The following TXNRD2 variants were observed in gnomAD, a reference collection of about 807,000 sequenced individuals.
The protein encoded by TXNRD2 is thioredoxin reductase 2, also known as thioredoxin reductase 2, mitochondrial.
In TXNRD2, 67 loss-of-function variants were observed where a neutral mutation model predicts 70.8. That is an observed-to-expected ratio of 0.95 (90% confidence interval 0.78 to 1.16). TXNRD2 has a LOEUF of 1.16. Ranked by LOEUF, TXNRD2 falls within the 50% of genes most tolerant of loss-of-function variation. TXNRD2 has a pLI of 0.00. For synonymous variants in TXNRD2, 301 were observed against 295.8 expected, an observed-to-expected ratio of 1.02 and a Z score of -0.18; for missense variants, 644 against 719.9, an observed-to-expected ratio of 0.89 and a Z score of 1.21.
chr22:19,902,090 G>A (rs911181370), intron 8 of TXNRD2, among the ~76,000 whole-genome samples: 3 of 152,252 alleles, frequency 2.0e-5, no homozygotes, highest in Admixed American at 6.5e-5. Flanking sequence ...CCGGCTACTC[G>A]GGAGGCTGAG....
chr22:19,892,162 C>T (rs1490690085), intron 11 of TXNRD2, among the ~76,000 whole-genome samples: 5 of 152,274 alleles, frequency 3.3e-5, no homozygotes, highest in South Asian at 2.1e-4. Flanking sequence ...CCAGCTGTGC[C>T]GCCCCTAGGG....
chr22:19,936,385 C>G (rs1047478606), intron 1 of TXNRD2, among the ~76,000 whole-genome samples: 4 of 138,384 alleles, frequency 2.9e-5, no homozygotes, highest in Non-Finnish European at 6.4e-5. Flanking sequence ...CTTAACATCA[C>G]CCCCTGATGA....
intron 1 of TXNRD2, among the ~76,000 whole-genome samples, chr22:19,934,784 G>C (rs1601487859): frequency 1.3e-5 from 2 of 152,122 alleles, no homozygotes; most frequent in African/African-American, 4.8e-5. Context: ...GGATGGTCTT[G>C]ATCTCCTCAC....
At chr22:19,881,107 T>TA in intron 12 of TXNRD2, 1 of 462,802 alleles carries the variant, frequency 2.2e-6, no homozygotes, top group Non-Finnish European at 3.8e-6. Flanking sequence ...AATCCCCGGC[T>TA]AAAAAGGGAC....
chr22:19,881,399 C>T (rs1044528136), intron 12 of TXNRD2: 13 of 250,204 alleles, frequency 5.2e-5, no homozygotes, highest in African/African-American at 3.4e-4. Context: ...GGAAACATCC[C>T]GGCGGGCGGC....
Position 19,911,369 on chromosome 22 carries a change from G to A in TXNRD2, c.662+8C>T, listed in dbSNP as rs756513179. ...AAGAGGACCCCACCAAGCACGCGCA[G>A]GCCTTACGTTTTTCCAGGGGATTCC... On this transcript the variant is annotated splice_region_variant and intron_variant, in intron 8 of 17. Coordinates refer to ENST00000400521, the MANE Select transcript of TXNRD2 (RefSeq NM_006440.5). The A allele has an allele frequency of 1.9e-6, 3 of 1,612,220 alleles. No homozygotes were observed. The highest frequency in any genetic ancestry group is 2.7e-5 in the African/African-American group (2 of 75,002).
At chr22:19,914,825 T>G in intron 7 of TXNRD2, 1 of 281,590 alleles carries the variant, frequency 3.6e-6, no homozygotes. Context: ...TCAAACTTTT[T>G]TTAAACTGGG....
At chr22:19,883,611 G>T in intron 11 of TXNRD2, 150 bp from the exon 12 acceptor site, 1 of 1,101,554 alleles carries the variant, frequency 9.1e-7, no homozygotes, top group Non-Finnish European at 1.3e-6. Context: ...GACGAGGTGG[G>T]CAAATCACCT....
chr22:19,892,034 C>G (rs1939284523), intron 11 of TXNRD2, among the ~76,000 whole-genome samples: 1 of 152,188 alleles, frequency 6.6e-6, no homozygotes, highest in Admixed American at 6.5e-5. Context: ...AGCACCTGGG[C>G]CCCTTCTGTG....
chr22:19,912,357 C>T lies in TXNRD2; in HGVS notation c.592-910G>A, dbSNP rs1160535162. On this transcript the variant is annotated intron_variant, in intron 7 of 17. Coordinates refer to ENST00000400521, the MANE Select transcript of TXNRD2 (RefSeq NM_006440.5). ...AGCCTTGGCAGACACCCTGGGAGGG[C>T]GTGGCAGGGAGAGCGAAGCAGCCCT... is the stretch of plus-strand genomic sequence containing the variant. Among the ~76,000 whole-genome samples, 5 of 152,234 alleles carry T rather than the reference C, an allele frequency of 3.3e-5. No individual in the cohort carries two copies. The East Asian group carries it at 7.7e-4, about 23-fold the overall frequency.
At chr22:19,926,503 A>G (rs1367693815) in intron 2 of TXNRD2, among the ~76,000 whole-genome samples, 1 of 149,930 alleles carries the variant, frequency 6.7e-6, no homozygotes, top group Non-Finnish European at 1.5e-5. Context: ...AAACAAAACA[A>G]CGGCGGCTCA....
At chr22:19,911,104 A>G in intron 8 of TXNRD2, 2 of 504,324 alleles carry the variant, frequency 4.0e-6, no homozygotes, top group South Asian at 4.0e-5. Context: ...AAACCAAAAC[A>G]GATTTTTGTA....
intron 1 of TXNRD2, among the ~76,000 whole-genome samples, chr22:19,931,421 T>G (rs1941355594): frequency 6.6e-6 from 1 of 152,200 alleles, no homozygotes; most frequent in African/African-American, 2.4e-5. Context: ...TCTATTTATT[T>G]TTGAGACAGG....
chr22:19,927,673 AAAAGAAAG>A (rs1172912753), intron 2 of TXNRD2, among the ~76,000 whole-genome samples: 5 of 147,274 alleles, frequency 3.4e-5, no homozygotes, highest in African/African-American at 7.5e-5. Context: ...AAAAAAAAAG[AAAAGAAAG>A]AAAGAAAGAA....
chr22:19,900,501 A>G (rs900122052), intron 8 of TXNRD2, among the ~76,000 whole-genome samples: 2 of 152,238 alleles, frequency 1.3e-5, no homozygotes, highest in Non-Finnish European at 2.9e-5. Context: ...CTGTAATCCC[A>G]GCACTTTGGG....
At chr22:19,935,669 C>G (rs1481470498) in intron 1 of TXNRD2, among the ~76,000 whole-genome samples, 1 of 152,200 alleles carries the variant, frequency 6.6e-6, no homozygotes, top group Non-Finnish European at 1.5e-5. Flanking sequence ...AGCAGCCCAG[C>G]TGTAAAATTC....
intron 2 of TXNRD2, 144 bp downstream of exon 2, chr22:19,930,886 A>C: frequency 1.3e-6 from 1 of 742,226 alleles, no homozygotes; most frequent in Non-Finnish European, 2.4e-6. Context: ...AGTGGCAGGG[A>C]ACAAGCCACA....
chr22:19,880,120 G>T, intron 14 of TXNRD2, 59 bp downstream of exon 14: 1 of 1,564,278 alleles, frequency 6.4e-7, no homozygotes, highest in African/African-American at 1.4e-5. Flanking sequence ...TCCGCCCAGA[G>T]CATGGGGTGA....
At chr22:19,880,838 C>T in intron 12 of TXNRD2, 121 bp from the exon 13 acceptor site, 1 of 691,302 alleles carries the variant, frequency 1.4e-6, no homozygotes, top group East Asian at 2.7e-5. Flanking sequence ...AACACTGGCA[C>T]CGAGCATGGT....
Sources: gnomAD v4.1 joint callset for allele counts (sites outside exome capture counted in the v4.1 genomes callset) on GRCh38, gnomAD v4.1.1 for gene constraint, MANE v1.5 for transcripts, NCBI Gene and HGNC (gene_info 2026-07-23, HGNC 2026-07-21) for gene names.